Variants in LRRC19 observed in about 807,000 individuals in gnomAD.
LRRC19 encodes leucine-rich repeat-containing protein 19.
In LRRC19, 33 loss-of-function variants were observed where a neutral mutation model predicts 33.3. The observed-to-expected ratio is 0.99, with a 90% CI of 0.75 to 1.33. The LOEUF (loss-of-function observed/expected upper bound fraction) is 1.33. Among genes scored for constraint, LRRC19 ranks in the 40% most tolerant of loss-of-function variants. The pLI is 0.00. For missense variants in LRRC19, 463 were observed against 417.3 expected (o/e 1.11, Z -0.95); for synonymous variants, 184 against 152.3 (o/e 1.21, Z -1.53).
chr9:26,999,864 C>G (rs1828384123), intron 1 of LRRC19, among the ~76,000 whole-genome samples, 161 bp from the exon 2 acceptor site: 1 of 150,890 alleles, frequency 6.6e-6, no homozygotes, highest in African/African-American at 2.4e-5. Context: ...CTTGATCTCC[C>G]AGGCTTAAGC....
At chr9:27,003,638 T>A (rs1828622091) in intron 1 of LRRC19, among the ~76,000 whole-genome samples, 1 of 152,220 alleles carries the variant, frequency 6.6e-6, no homozygotes, top group Non-Finnish European at 1.5e-5. Flanking sequence ...TCTGTTCTAG[T>A]CAACTTCCTC....
In LRRC19 at chr9:26,997,754, C is replaced by G; in HGVS notation, c.569G>C (p.Trp190Ser). Residue 190 changes from tryptophan to serine, a missense_variant, in exon 3 of 5, where the codon TGG becomes TCG. Physicochemically the swap from Trp to Ser is radical, Grantham distance 177. Transcript: ENST00000380055. The part of the protein sequence containing the change: ...CSCSLFNLQN[W>S]LNTSNVTLEN... The stretch of plus-strand genomic sequence containing the variant: ...TAATGTCACATTTGATGTGTTCAAC[C>G]AGTTCTGCAAATTAAATAGACTGCA... The G allele has an allele frequency of 1.2e-6, 2 of 1,609,506 alleles. No individual in the cohort carries two copies. Among genetic ancestry groups the G allele is most frequent in the Non-Finnish European group, 1.7e-6 (2 of 1,178,820 alleles).
chr9:26,995,280 C>T lies in LRRC19; in HGVS notation c.*241G>A. 1 of 351,444 alleles carries T rather than the reference C, an allele frequency of 2.8e-6. No individual in the cohort carries two copies. The highest frequency in any genetic ancestry group is 5.2e-6 in the Non-Finnish European group (1 of 191,578). The allele number at this position is 351,444 out of a possible 1,614,324, so 21.8% of individuals were successfully genotyped here. A position where few individuals can be genotyped will look rare whatever the true frequency, so the allele number is the denominator to read the frequency against. ...AGTTCGTATGGTCACCCAAGCACTG[C>T]TAAGAATAGTAGTGCTAGTATTGTA... On this transcript the variant is annotated 3_prime_UTR_variant, in exon 5 of 5. Coordinates refer to ENST00000380055, the MANE Select transcript of LRRC19 (RefSeq NM_022901.3).
chr9:27,003,524 GA>G (rs140126398), intron 1 of LRRC19, among the ~76,000 whole-genome samples: 12 of 146,370 alleles, frequency 8.2e-5, no homozygotes, highest in South Asian at 4.3e-4. Flanking sequence ...CTCTGTCTCA[GA>G]AAAAAAAAAG....
rs1827989695 is a variant in LRRC19 at position 26,993,635 on chromosome 9, G to A, written c.*1886C>T. The A allele has an allele frequency of 6.6e-6, 1 of 152,130 alleles. No homozygotes were observed. The highest frequency in any genetic ancestry group is 6.6e-5 in the Admixed American group (1 of 15,246). 9.4% of individuals were successfully genotyped at this position (152,130 alleles called of 1,614,324 possible). On this transcript the variant is annotated 3_prime_UTR_variant, in exon 5 of 5. Coordinates refer to ENST00000380055, the MANE Select transcript of LRRC19 (RefSeq NM_022901.3). ...TTTAGCCTCTTTTTTCTAAGGAATTGTCAAGTACATACAAATTTTTAAAAC... is the reference window on the plus strand; with the variant it reads ...TTTAGCCTCTTTTTTCTAAGGAATTATCAAGTACATACAAATTTTTAAAAC...
chr9:26,998,353 A>G, intron 2 of LRRC19, 112 bp from the exon 3 acceptor site: 1 of 608,810 alleles, frequency 1.6e-6, no homozygotes. Flanking sequence ...TGGGAAAAAA[A>G]CCTACTATCT....
Position 26,998,144 on chromosome 9 carries a change from G to A in LRRC19, c.179C>T (p.Thr60Ile), listed in dbSNP as rs762224930. Residue 60 changes from threonine (T) to isoleucine (I), a missense_variant, in exon 3 of 5, where the codon ACT becomes ATT. Thr to Ile is a moderately conservative substitution (Grantham distance 89, BLOSUM62 -1). Transcript: ENST00000380055. ...AACTCTTGTGTCTGTACCATTAAGA[G>A]TAATTTGGTTATAACTGAGATCAAG... ...TILDLSYNQI[T>I]LNGTDTRVLQ... 1.2e-6 allele frequency: 2 copies of A among 1,609,556 alleles called. No individual in the cohort carries two copies. The highest frequency in any genetic ancestry group is 1.7e-6 in the Non-Finnish European group (2 of 1,176,826).
chr9:26,998,289 A>G (rs1828282226), intron 2 of LRRC19, 48 bp from the exon 3 acceptor site: 3 of 1,132,138 alleles, frequency 2.6e-6, no homozygotes, highest in Non-Finnish European at 3.6e-6. Context: ...AAAAATTAAT[A>G]GAATTTCACC....
intron 1 of LRRC19, among the ~76,000 whole-genome samples, chr9:27,004,426 T>G (rs1454085109): frequency 6.6e-6 from 1 of 152,246 alleles, no homozygotes; most frequent in Non-Finnish European, 1.5e-5. Context: ...CCATACTATC[T>G]GTGAGAGTTT....
intron 2 of LRRC19, 111 bp downstream of exon 2, chr9:26,999,502 AT>A: frequency 1.3e-6 from 1 of 749,280 alleles, no homozygotes; most frequent in Non-Finnish European, 2.1e-6. Context: ...TAAACTCTTA[AT>A]TTTAGTAGGT....
chr9:26,995,734 C>T lies in LRRC19; in HGVS notation c.900G>A (p.Leu300=). The T allele has an allele frequency of 1.2e-6, 2 of 1,613,792 alleles. No homozygotes were observed. The highest frequency in any genetic ancestry group is 1.7e-6 in the Non-Finnish European group (2 of 1,179,890). Residue 300 remains leucine (L), a synonymous_variant, in exon 5 of 5, where the codon CTG becomes CTA. Coordinates refer to ENST00000380055, the MANE Select transcript of LRRC19 (RefSeq NM_022901.3). ...CCAGGCGATGATGATTATAACTAAG[C>T]AGAATATTGTACCATATTGGGCATT... The part of the protein sequence containing the change: ...AIKCPIWYNI[L]LSYNHHRLEE...
rs140793787 is a variant in LRRC19, at chr9:27,004,204, A to G, written c.-10+1388T>C. On this transcript the variant is annotated intron_variant, in intron 1 of 4. Coordinates refer to ENST00000380055, the MANE Select transcript of LRRC19 (RefSeq NM_022901.3). ...GGAGACGGAGTATGGTTTTATATTT[A>G]TTATCTGTATCTGCTATTTAATGCT... 3.0e-4 allele frequency among the ~76,000 whole-genome samples: 46 copies of G among 152,300 alleles called. 1 individual carries two copies. The highest frequency in any genetic ancestry group is 9.6e-4 in the African/African-American group (40 of 41,568).
At chr9:26,997,486 A>T (rs2131573205) in intron 3 of LRRC19, among the ~76,000 whole-genome samples, 1 of 151,958 alleles carries the variant, frequency 6.6e-6, no homozygotes, top group East Asian at 2.0e-4. Context: ...GGCATGCGCC[A>T]CCATACCCAG....
rs747509539 is a variant in LRRC19 at position 26,998,109 on chromosome 9, A to G, written c.214T>C (p.Tyr72His). 3.7e-6 allele frequency: 6 copies of G among 1,613,166 alleles called. No individual in the cohort carries two copies. The highest frequency in any genetic ancestry group is 4.2e-6 in the Non-Finnish European group (5 of 1,179,468). Residue 72 changes from tyrosine to histidine, a missense_variant, in exon 3 of 5, where the codon TAC (tyrosine) becomes CAC (histidine). Transcript: ENST00000380055. ...NGTDTRVLQT[Y>H]FLLTELYLIE... ...AAATAGAGCTCTGTGAGTAAAAAGT[A>G]TGTCTGTAGAACTCTTGTGTCTGTA...
chr9:27,005,639 C>G lies in LRRC19; in HGVS notation c.-57G>C, dbSNP rs1828737412. 1 of 151,362 alleles carries G rather than the reference C, an allele frequency of 6.6e-6. No individual in the cohort carries two copies. The highest frequency in any genetic ancestry group is 1.9e-4 in the East Asian group (1 of 5,156). The allele number at this position is 151,362 out of a possible 1,614,324, so 9.4% of individuals were successfully genotyped here. A position where few individuals can be genotyped will look rare whatever the true frequency, so the allele number is the denominator to read the frequency against. ...ACTTGTGTGCTAAAGGAAATTAACTCTGTTTCAACGGCATTAAAAAAAGTA... is the reference window on the plus strand; with the variant it reads ...ACTTGTGTGCTAAAGGAAATTAACTGTGTTTCAACGGCATTAAAAAAAGTA... On this transcript the variant is annotated 5_prime_UTR_variant, in exon 1 of 5. Coordinates refer to ENST00000380055, the MANE Select transcript of LRRC19 (RefSeq NM_022901.3).
chr9:26,996,982 G>A (rs1411774569), intron 3 of LRRC19, among the ~76,000 whole-genome samples: 1 of 152,010 alleles, frequency 6.6e-6, no homozygotes, highest in Non-Finnish European at 1.5e-5. Flanking sequence ...AGGCCGAGGC[G>A]GGTGGATCAC....
At chr9:27,001,182 A>G (rs1019740107) in intron 1 of LRRC19, among the ~76,000 whole-genome samples, 10 of 151,868 alleles carry the variant, frequency 6.6e-5, no homozygotes, top group Non-Finnish European at 4.4e-5. Context: ...TATATATGCT[A>G]CTTTTTTTTA....
rs1828111438 is a variant in LRRC19 at position 26,995,665 on chromosome 9, AT to A, written c.968del (p.Asn323IlefsTer18). The A allele has an allele frequency of 6.2e-6, 10 of 1,613,892 alleles. No individual in the cohort carries two copies. Among genetic ancestry groups the A allele is most frequent in the Non-Finnish European group, 8.5e-6 (10 of 1,179,882 alleles). On this transcript the variant is annotated frameshift_variant, in exon 5 of 5. Coordinates refer to ENST00000380055, the MANE Select transcript of LRRC19 (RefSeq NM_022901.3). LOFTEE classifies it high-confidence loss of function. Reference sequence around the variant, plus strand: ...CTGGTATCTGTGAAAGAGAGCTTGGATTTCCAGTAAAACCATCTTCATAGGT... The same window carrying A: ...CTGGTATCTGTGAAAGAGAGCTTGGATTCCAGTAAAACCATCTTCATAGGT... Reference protein sequence around the residue: ...AETYEDGFTGNPSSLSQIPET... With the variant: ...AETYEDGFTGXPSSLSQIPET...
At position 26,998,092 on chromosome 9, in the gene LRRC19, C is replaced by T. The variant is rs35776880; in HGVS notation, c.231G>A (p.Glu77=). Residue 77 remains glutamate, a synonymous_variant, in exon 3 of 5, where the codon GAG becomes GAA. Transcript: ENST00000380055. The stretch of plus-strand genomic sequence containing the variant: ...TAACCTTGTTCTCAATCAAATAGAG[C>T]TCTGTGAGTAAAAAGTATGTCTGTA... ...RVLQTYFLLT[E]LYLIENKVTI... is the part of the protein sequence containing the mutation. 0.022 allele frequency: 34,966 copies of T among 1,613,246 alleles called. 455 individuals are homozygous for T. The highest frequency in any genetic ancestry group is 0.024 in the Non-Finnish European group (28,010 of 1,179,532).
Sources: allele counts gnomAD v4.1 joint callset (sites outside exome capture counted in the v4.1 genomes callset), GRCh38; gene constraint gnomAD v4.1.1; transcripts MANE v1.5; gene names NCBI Gene and HGNC (gene_info 2026-07-23, HGNC 2026-07-21).